The following PIP4K2B variants were observed in gnomAD, a reference collection of about 807,000 sequenced individuals.
The protein encoded by PIP4K2B is phosphatidylinositol 5-phosphate 4-kinase type-2 beta.
A neutral mutation model predicts 42.0 loss-of-function variants in PIP4K2B; 3 were observed. The ratio of observed to expected loss-of-function variants is 0.07; its 90% confidence interval spans 0.03 to 0.18. PIP4K2B has a LOEUF of 0.18. PIP4K2B is among the 10% of genes least tolerant of loss of function. The probability of loss-of-function intolerance (pLI) is 1.00; values close to 1 mark genes in which losing one functional copy is unlikely to be tolerated. For missense variants in PIP4K2B, 332 were observed against 562.3 expected, an observed-to-expected ratio of 0.59 and a Z score of 4.14; for synonymous variants, 204 against 210.1, an observed-to-expected ratio of 0.97 and a Z score of 0.25.
chr17:38,783,174 G>A (rs1161874708), intron 3 of PIP4K2B, among the ~76,000 whole-genome samples: 1 of 112,192 alleles, frequency 8.9e-6, no homozygotes, highest in Non-Finnish European at 1.7e-5. Flanking sequence ...CAGCCTGGAT[G>A]ACAGGAGTGA....
intron 1 of PIP4K2B, among the ~76,000 whole-genome samples, chr17:38,796,086 CGA>C (rs1910646966): frequency 6.6e-6 from 1 of 151,578 alleles, no homozygotes; most frequent in Non-Finnish European, 1.5e-5. Context: ...TGCGGTGAGC[CGA>C]GATTGCACCA....
chr17:38,778,105 C>A (rs539850559), intron 6 of PIP4K2B, among the ~76,000 whole-genome samples: 1 of 152,190 alleles, frequency 6.6e-6, no homozygotes, highest in Admixed American at 6.5e-5. Flanking sequence ...GTCTGCCATC[C>A]CAGCAGGACT....
intron 2 of PIP4K2B, among the ~76,000 whole-genome samples, chr17:38,786,275 C>T (rs1047057740): frequency 2.6e-5 from 4 of 152,168 alleles, no homozygotes; most frequent in South Asian, 4.1e-4. Flanking sequence ...GTGTGGCGGC[C>T]GCTAGTGTTT....
intron 1 of PIP4K2B, among the ~76,000 whole-genome samples, chr17:38,788,226 AG>A (rs1910148518): frequency 6.6e-6 from 1 of 151,244 alleles, no homozygotes; most frequent in African/African-American, 2.4e-5. Context: ...TTATAGACAG[AG>A]TCTCACTGTG....
chr17:38,769,629 C>A lies in PIP4K2B; in HGVS notation c.*62G>T, dbSNP rs1908895876. 2.0e-6 allele frequency: 2 copies of A among 996,826 alleles called. No homozygotes were observed. The highest frequency in any genetic ancestry group is 1.6e-6 in the Non-Finnish European group (1 of 615,786). 61.7% of individuals were successfully genotyped at this position (996,826 alleles called of 1,614,324 possible). On this transcript the variant is annotated 3_prime_UTR_variant, in exon 10 of 10. Coordinates refer to ENST00000619039, the MANE Select transcript of PIP4K2B (RefSeq NM_003559.5). Reference sequence around the variant, plus strand: ...CATCTAGCCCAAATACACCCTTCTCCCTAACTCCCGATCCCCGACCCCATA... The same window carrying A: ...CATCTAGCCCAAATACACCCTTCTCACTAACTCCCGATCCCCGACCCCATA...
intron 2 of PIP4K2B, among the ~76,000 whole-genome samples, chr17:38,785,475 G>C (rs1456388255): frequency 6.6e-6 from 1 of 152,102 alleles, no homozygotes; most frequent in African/African-American, 2.4e-5. Flanking sequence ...TCAGGAGTTC[G>C]AGACCAGCCT....
Position 38,769,456 on chromosome 17 carries a change from C to T in PIP4K2B, c.*235G>A. On this transcript the variant is annotated 3_prime_UTR_variant, in exon 10 of 10. Transcript: ENST00000619039. ...TGGGTGTCAAATGGGGAGAAAAAAT[C>T]AAGGGTAAGCAGAAGGTGGGGTTAC... is the stretch of plus-strand genomic sequence containing the variant. The T allele has an allele frequency of 2.0e-6, 1 of 506,378 alleles. No individual in the cohort carries two copies. Among genetic ancestry groups the T allele is most frequent in the Non-Finnish European group, 3.5e-6 (1 of 284,784 alleles). The allele number at this position is 506,378 out of a possible 1,614,324, so 31.4% of individuals were successfully genotyped here.
rs1908886439 is a variant in PIP4K2B at position 38,769,468 on chromosome 17, G to C, written c.*223C>G. 1.9e-6 allele frequency: 1 copy of C among 529,254 alleles called. No homozygotes were observed. The highest frequency in any genetic ancestry group is 2.9e-5 in the East Asian group (1 of 34,334). 32.8% of individuals were successfully genotyped at this position (529,254 alleles called of 1,614,324 possible). A position where few individuals can be genotyped will look rare whatever the true frequency, so the allele number is the denominator to read the frequency against. On this transcript the variant is annotated 3_prime_UTR_variant, in exon 10 of 10. Transcript: ENST00000619039. ...GGGGAGAAAAAATCAAGGGTAAGCAGAAGGTGGGGTTACATCCTGTGAGCA... is the reference window on the plus strand; with the variant it reads ...GGGGAGAAAAAATCAAGGGTAAGCACAAGGTGGGGTTACATCCTGTGAGCA...
intron 8 of PIP4K2B, among the ~76,000 whole-genome samples, chr17:38,770,772 A>G (rs1188386119): frequency 1.3e-5 from 2 of 152,088 alleles, no homozygotes; most frequent in East Asian, 1.9e-4. Context: ...GGTTCATCTC[A>G]TGAACCAGAG....
intron 1 of PIP4K2B, among the ~76,000 whole-genome samples, chr17:38,794,052 TCC>T: frequency 6.6e-6 from 1 of 152,142 alleles, no homozygotes; most frequent in African/African-American, 2.4e-5. Context: ...CTATACATAC[TCC>T]AGCACTATTC....
intron 1 of PIP4K2B, among the ~76,000 whole-genome samples, chr17:38,793,183 C>A (rs1253969539): frequency 6.6e-6 from 1 of 151,962 alleles, no homozygotes; most frequent in Admixed American, 6.6e-5. Context: ...CCTGCCTCGG[C>A]CTCCCAAAGT....
chr17:38,765,905 A>G lies in PIP4K2B; in HGVS notation c.*3786T>C, dbSNP rs1908674255. The stretch of plus-strand genomic sequence containing the variant: ...GTGGTGGTTTGTCCTGCTTCCCCAA[A>G]AGGTGGATATGAACTTAATTCACAT... On this transcript the variant is annotated 3_prime_UTR_variant, in exon 10 of 10. Coordinates refer to ENST00000619039, the MANE Select transcript of PIP4K2B (RefSeq NM_003559.5). 1 of 152,614 alleles carries G rather than the reference A, an allele frequency of 6.6e-6. No individual in the cohort carries two copies. Among genetic ancestry groups the G allele is most frequent in the South Asian group, 2.1e-4 (1 of 4,828 alleles). The allele number at this position is 152,614 out of a possible 1,614,324, so 9.5% of individuals were successfully genotyped here. A position where few individuals can be genotyped will look rare whatever the true frequency, so the allele number is the denominator to read the frequency against.
intron 3 of PIP4K2B, among the ~76,000 whole-genome samples, chr17:38,782,912 G>A (rs1909786827): frequency 6.6e-6 from 1 of 152,126 alleles, no homozygotes; most frequent in South Asian, 2.1e-4. Flanking sequence ...TTCAGGCCAG[G>A]TGCGGTGGCT....
chr17:38,799,515 A>AC lies in PIP4K2B; in HGVS notation c.-92dup, dbSNP rs1161420994. ...TCAGGCCTCCCCCGGACCGATCCCC[A>AC]CCCCCGCTCCCTCACCGCGCCATGG... On this transcript the variant is annotated 5_prime_UTR_variant, in exon 1 of 10. Transcript: ENST00000619039. The surrounding 1 kb of genome is among the most constrained non-coding windows in gnomAD (Gnocchi z 4.4). The AC allele has an allele frequency of 9.3e-6, 12 of 1,290,202 alleles. No individual in the cohort carries two copies. Among genetic ancestry groups the AC allele is most frequent in the Non-Finnish European group, 1.1e-5 (11 of 1,022,414 alleles). 79.9% of individuals were successfully genotyped at this position (1,290,202 alleles called of 1,614,324 possible).
chr17:38,796,903 C>G (rs905985027), intron 1 of PIP4K2B, among the ~76,000 whole-genome samples: 4 of 152,112 alleles, frequency 2.6e-5, no homozygotes, highest in African/African-American at 9.7e-5. Context: ...AGCAGTCCAC[C>G]GAGGGCAATG....
chr17:38,792,124 A>C (rs1191802781), intron 1 of PIP4K2B, among the ~76,000 whole-genome samples: 1 of 151,686 alleles, frequency 6.6e-6, no homozygotes, highest in Non-Finnish European at 1.5e-5. Context: ...AGTTCACTCT[A>C]TGCTGATCTA....
rs1760143221 is a variant in PIP4K2B at position 38,766,531 on chromosome 17, CT to C, written c.*3159del. Reference sequence around the variant, plus strand: ...CAGGGCAGGAGTGTAGCCTCACGCCCTGAGCGCTACCAGCAGGCCTGTTTGA... The same window carrying C: ...CAGGGCAGGAGTGTAGCCTCACGCCCGAGCGCTACCAGCAGGCCTGTTTGA... On this transcript the variant is annotated 3_prime_UTR_variant, in exon 10 of 10. Coordinates refer to ENST00000619039, the MANE Select transcript of PIP4K2B (RefSeq NM_003559.5). 2.0e-5 allele frequency: 3 copies of C among 152,706 alleles called. No individual in the cohort carries two copies. The highest frequency in any genetic ancestry group is 7.2e-5 in the African/African-American group (3 of 41,438). The allele number at this position is 152,706 out of a possible 1,614,324, so 9.5% of individuals were successfully genotyped here. A position where few individuals can be genotyped will look rare whatever the true frequency, so the allele number is the denominator to read the frequency against.
intron 7 of PIP4K2B, among the ~76,000 whole-genome samples, chr17:38,774,905 G>A (rs1274508941): frequency 6.6e-6 from 1 of 152,076 alleles, no homozygotes; most frequent in Non-Finnish European, 1.5e-5. Context: ...TAAACAAAAT[G>A]TAATACATCC....
rs370509227 is a variant in PIP4K2B, at chr17:38,766,712, G to A, written c.*2979C>T. 1 of 152,822 alleles carries A rather than the reference G, an allele frequency of 6.5e-6. No individual in the cohort carries two copies. The highest frequency in any genetic ancestry group is 1.9e-4 in the East Asian group (1 of 5,194). The allele number at this position is 152,822 out of a possible 1,614,324, so 9.5% of individuals were successfully genotyped here. On this transcript the variant is annotated 3_prime_UTR_variant, in exon 10 of 10. Transcript: ENST00000619039. ...CAACCCCTGAGCTAAAGAAGGAGAG[G>A]TGGAGCACTGCTTCAGTCTGCGCCC...
Sources: allele counts gnomAD v4.1 joint callset (sites outside exome capture counted in the v4.1 genomes callset), GRCh38; gene constraint gnomAD v4.1.1; non-coding constraint Gnocchi (gnomAD v3.1); transcripts MANE v1.5; gene names NCBI Gene and HGNC (gene_info 2026-07-23, HGNC 2026-07-21).